Variants in PDZRN3 observed in about 807,000 individuals in gnomAD.
The protein encoded by PDZRN3 is PDZ domain containing ring finger 3.
In PDZRN3, 38 loss-of-function variants were observed where a neutral mutation model predicts 85.7. That is an observed-to-expected ratio of 0.44 (90% CI 0.34 to 0.58). The LOEUF is 0.58. PDZRN3 is among the 20% of genes least tolerant of loss of function. The probability of loss-of-function intolerance (pLI) is 0.01; values close to 1 mark genes in which losing one functional copy is unlikely to be tolerated. For synonymous variants in PDZRN3, 759 were observed against 638.0 expected, an observed-to-expected ratio of 1.19 and a Z score of -2.86; for missense variants, 1,629 against 1,506.4, an observed-to-expected ratio of 1.08 and a Z score of -1.35.
chr3:73,440,125 C>A (rs1310155765), intron 3 of PDZRN3, among the ~76,000 whole-genome samples: 1 of 152,096 alleles, frequency 6.6e-6, no homozygotes. Flanking sequence ...CTTTGGGCTG[C>A]AGAGATCTTG....
intron 3 of PDZRN3, among the ~76,000 whole-genome samples, chr3:73,582,910 T>C (rs1169216248): frequency 6.6e-6 from 1 of 152,212 alleles, no homozygotes; most frequent in Non-Finnish European, 1.5e-5. Context: ...TTTCATCACA[T>C]GGATGTGACC....
At chr3:73,438,944 T>C (rs1008210963) in intron 3 of PDZRN3, among the ~76,000 whole-genome samples, 1 of 152,236 alleles carries the variant, frequency 6.6e-6, no homozygotes. Flanking sequence ...CCTCCACGTC[T>C]ACACATAGGC....
At chr3:73,453,232 CCTGTCTCTACTAAAAACACAAAAATTAG>C (rs1702903570) in intron 3 of PDZRN3, among the ~76,000 whole-genome samples, 1 of 151,708 alleles carries the variant, frequency 6.6e-6, no homozygotes, top group East Asian at 1.9e-4. Context: ...ATGGTGAAAC[CCTGTCTCTACTAAAAACACAAAAATTAG>C]CTGGGTGTGA....
At chr3:73,542,530 T>C (rs1290597795) in intron 3 of PDZRN3, among the ~76,000 whole-genome samples, 5 of 152,132 alleles carry the variant, frequency 3.3e-5, no homozygotes, top group African/African-American at 1.2e-4. Flanking sequence ...TACCAGCACT[T>C]TGGGAGGCCG....
intron 3 of PDZRN3, chr3:73,569,039 A>C (rs1282934823): frequency 2.1e-6 from 1 of 486,716 alleles, no homozygotes; most frequent in East Asian, 6.9e-5. Context: ...TAGATGAAAA[A>C]ACTGAGGTCC....
chr3:73,497,270 A>C (rs1414758448), intron 3 of PDZRN3, among the ~76,000 whole-genome samples: 2 of 152,150 alleles, frequency 1.3e-5, no homozygotes, highest in Non-Finnish European at 2.9e-5. Context: ...TTTTACAGGG[A>C]GACTTAGGTA....
chr3:73,580,883 C>T (rs879112705), intron 3 of PDZRN3, among the ~76,000 whole-genome samples: 62 of 152,268 alleles, frequency 4.1e-4, no homozygotes, highest in Admixed American at 3.7e-3. Context: ...GCTTCAATTG[C>T]GTCTTGCTTT....
At chr3:73,597,538 G>A (rs141552179) in intron 3 of PDZRN3, among the ~76,000 whole-genome samples, 63 of 152,220 alleles carry the variant, frequency 4.1e-4, no homozygotes, top group African/African-American at 1.4e-3. Flanking sequence ...AAGCAGAACA[G>A]CGTTTAACCC....
chr3:73,552,464 T>G (rs1701586337), intron 3 of PDZRN3, among the ~76,000 whole-genome samples: 1 of 152,146 alleles, frequency 6.6e-6, no homozygotes, highest in African/African-American at 2.4e-5. Flanking sequence ...CTCATGACCC[T>G]GTAAAATTAG....
chr3:73,449,622 A>C (rs1702818304), intron 3 of PDZRN3, among the ~76,000 whole-genome samples: 2 of 152,204 alleles, frequency 1.3e-5, no homozygotes. Context: ...TAAGCGAACA[A>C]CGCGTGTAAA....
intron 3 of PDZRN3, among the ~76,000 whole-genome samples, chr3:73,466,244 A>G (rs745557968): frequency 6.6e-6 from 1 of 152,024 alleles, no homozygotes; most frequent in Non-Finnish European, 1.5e-5. Context: ...ATGGTATCCT[A>G]TCTAAAATGA....
At chr3:73,458,757 TGA>T in intron 3 of PDZRN3, among the ~76,000 whole-genome samples, 1 of 151,684 alleles carries the variant, frequency 6.6e-6, no homozygotes, top group Non-Finnish European at 1.5e-5. Context: ...TTTGGGAGGC[TGA>T]GACAGGTAGA....
At chr3:73,603,682 T>G (rs9879918) in intron 2 of PDZRN3, among the ~76,000 whole-genome samples, 33,759 of 151,974 alleles carry the variant, frequency 0.22, 3,815 homozygotes, top group Admixed American at 0.24. Context: ...AAATAACTCT[T>G]CAAATAAAAC....
At chr3:73,530,887 A>C (rs1296837335) in intron 3 of PDZRN3, among the ~76,000 whole-genome samples, 1 of 152,214 alleles carries the variant, frequency 6.6e-6, no homozygotes, top group Admixed American at 6.5e-5. Flanking sequence ...ATAAGGGATA[A>C]AGCTCTGAAG....
chr3:73,458,580 C>A (rs749098744), intron 3 of PDZRN3, among the ~76,000 whole-genome samples: 1 of 148,764 alleles, frequency 6.7e-6, no homozygotes, highest in Non-Finnish European at 1.5e-5. Context: ...AGGAAACTGA[C>A]CTGCATGATC....
intron 1 of PDZRN3, among the ~76,000 whole-genome samples, chr3:73,609,539 C>T: frequency 6.6e-6 from 1 of 152,182 alleles, no homozygotes; most frequent in Non-Finnish European, 1.5e-5. Flanking sequence ...ACACCTTTGA[C>T]AGTTTTCAAT....
chr3:73,609,576 A>ATAAATCG, intron 1 of PDZRN3, among the ~76,000 whole-genome samples: 1 of 152,356 alleles, frequency 6.6e-6, no homozygotes, highest in East Asian at 1.9e-4. Flanking sequence ...AAAACATCAC[A>ATAAATCG]GCCTGTGTAC....
At chr3:73,559,214 C>G (rs1226479867) in intron 3 of PDZRN3, among the ~76,000 whole-genome samples, 1 of 152,050 alleles carries the variant, frequency 6.6e-6, no homozygotes, top group East Asian at 1.9e-4. Flanking sequence ...TTGTTCTCAA[C>G]CTGAAGGCTT....
chr3:73,458,774 G>A (rs996023847), intron 3 of PDZRN3, among the ~76,000 whole-genome samples: 21 of 151,674 alleles, frequency 1.4e-4, no homozygotes, highest in African/African-American at 4.1e-4. Flanking sequence ...GGTAGATCAC[G>A]AGGTCAGGAA....
Sources: gnomAD v4.1 joint callset for allele counts (sites outside exome capture counted in the v4.1 genomes callset) on GRCh38, gnomAD v4.1.1 for gene constraint, MANE v1.5 for transcripts, NCBI Gene and HGNC (gene_info 2026-07-23, HGNC 2026-07-21) for gene names.